TRHDE: variants seen among roughly 807,000 people sequenced by gnomAD.
TRHDE encodes thyrotropin releasing hormone degrading enzyme.
TRHDE carries 72 observed loss-of-function variants against 125.7 expected under a neutral mutation model. The ratio of observed to expected loss-of-function variants is 0.57; its 90% confidence interval spans 0.47 to 0.70. The LOEUF (loss-of-function observed/expected upper bound fraction) is 0.70. Ranked by LOEUF, TRHDE falls within the 30% of genes least tolerant of loss-of-function variation. The pLI, the probability that TRHDE is intolerant of heterozygous loss-of-function variation, is 0.00. For missense variants in TRHDE, 1,110 were observed against 1,327.1 expected (o/e 0.84, Z 2.54); for synonymous variants, 509 against 509.1 (o/e 1.00, Z 0.00).
At chr12:72,585,064 G>T (rs541640828) in intron 12 of TRHDE, among the ~76,000 whole-genome samples, 1 of 152,256 alleles carries the variant, frequency 6.6e-6, no homozygotes, top group African/African-American at 2.4e-5. Context: ...ATCTGCACAT[G>T]CCTGAACATG....
At chr12:72,139,966 A>C (rs547741819) in intron 2 of TRHDE, among the ~76,000 whole-genome samples, 2 of 152,370 alleles carry the variant, frequency 1.3e-5, no homozygotes, top group Non-Finnish European at 2.9e-5. Context: ...TCTTCATGGC[A>C]ATAACATACC....
intron 2 of TRHDE, chr12:72,262,725 G>C (rs1046064552): frequency 6.6e-6 from 1 of 152,072 alleles, no homozygotes; most frequent in Non-Finnish European, 1.5e-5. Context: ...ACATTGATTT[G>C]AAACAAATCC....
At chr12:72,451,979 C>T (rs1875598617) in intron 3 of TRHDE, among the ~76,000 whole-genome samples, 2 of 152,074 alleles carry the variant, frequency 1.3e-5, no homozygotes, top group African/African-American at 2.4e-5. Context: ...CAGGCCTGTG[C>T]CAGCATGCCC....
chr12:72,538,932 T>A (rs546249610), intron 6 of TRHDE, among the ~76,000 whole-genome samples: 1 of 151,940 alleles, frequency 6.6e-6, no homozygotes, highest in African/African-American at 2.4e-5. Context: ...AAAAACTGTC[T>A]CAATCTTATT....
Position 72,273,172 on chromosome 12 carries a change from C to G in TRHDE, c.529C>G (p.Pro177Ala), listed in dbSNP as rs544264510. Residue 177 changes from proline (P) to alanine (A), a missense_variant, in exon 1 of 19, where the codon CCG becomes GCG. By Grantham distance (27) the Pro-to-Ala change is conservative. Coordinates refer to ENST00000261180, the MANE Select transcript of TRHDE (RefSeq NM_013381.3). The surrounding 1 kb of genome is among the most constrained non-coding windows in gnomAD (Gnocchi z 5.3). The stretch of plus-strand genomic sequence containing the variant: ...GCCGCCGTCGGAGGAGGAGCGGGAG[C>G]CGTGGGAGCCGTGGACGCAGCTGCG... ...AQPPSEEERE[P>A]WEPWTQLRLS... 36 of 1,588,364 alleles carry G rather than the reference C, an allele frequency of 2.3e-5. No homozygotes were observed. The South Asian group carries it at 3.9e-4, about 17-fold the overall frequency.
At chr12:72,518,305 C>G (rs1878987277) in intron 6 of TRHDE, among the ~76,000 whole-genome samples, 1 of 146,006 alleles carries the variant, frequency 6.8e-6, no homozygotes, top group South Asian at 2.1e-4. Context: ...TCACTCAGGA[C>G]TTGCTTTATG....
At chr12:72,106,141 G>A (rs1349875943) in intron 2 of TRHDE, among the ~76,000 whole-genome samples, 1 of 152,092 alleles carries the variant, frequency 6.6e-6, no homozygotes, top group South Asian at 2.1e-4. Context: ...AGCTACAGTA[G>A]CACTGTTTAC....
intron 2 of TRHDE, among the ~76,000 whole-genome samples, chr12:72,195,394 A>C (rs1016898763): frequency 1.3e-5 from 2 of 152,098 alleles, no homozygotes; most frequent in Admixed American, 6.6e-5. Context: ...CCTTTTCTTC[A>C]CAGCTTCACT....
intron 12 of TRHDE, among the ~76,000 whole-genome samples, chr12:72,583,364 C>T (rs982502017): frequency 6.6e-6 from 1 of 152,052 alleles, no homozygotes; most frequent in African/African-American, 2.4e-5. Context: ...TGAATCGTTC[C>T]AGGAGCTTCA....
chr12:72,134,990 T>C (rs1392444689), intron 2 of TRHDE, among the ~76,000 whole-genome samples: 1 of 152,076 alleles, frequency 6.6e-6, no homozygotes, highest in Non-Finnish European at 1.5e-5. Context: ...TGGATATATG[T>C]GTGAGCTTCA....
At chr12:72,116,471 C>G (rs566088302) in intron 2 of TRHDE, among the ~76,000 whole-genome samples, 1 of 152,220 alleles carries the variant, frequency 6.6e-6, no homozygotes, top group East Asian at 1.9e-4. Context: ...ATTTACACTC[C>G]CACTAACAAT....
intron 15 of TRHDE, among the ~76,000 whole-genome samples, chr12:72,640,659 C>T (rs1371134985): frequency 1.4e-5 from 2 of 148,010 alleles, no homozygotes; most frequent in African/African-American, 2.5e-5. Flanking sequence ...ATAAGGTTCA[C>T]GCATCAATGC....
rs935257039 is a variant in TRHDE, at chr12:72,421,115, G to A, written c.1315+42994G>A. 3.9e-5 allele frequency among the ~76,000 whole-genome samples: 6 copies of A among 152,144 alleles called. No individual in the cohort carries two copies. The East Asian group carries it at 9.7e-4, about 25-fold the overall frequency. On this transcript the variant is annotated intron_variant, in intron 3 of 18. Coordinates refer to ENST00000261180, the MANE Select transcript of TRHDE (RefSeq NM_013381.3). ...AATATGAACTAGGTTGAACGTTCCA[G>A]TTATCTCATTCTGCATAAGAAATCA...
chr12:72,351,948 T>G (rs940180929), intron 2 of TRHDE, among the ~76,000 whole-genome samples: 10 of 151,914 alleles, frequency 6.6e-5, no homozygotes, highest in Non-Finnish European at 1.0e-4. Flanking sequence ...CCAGCTTAAC[T>G]CATTCTTCTT....
intron 2 of TRHDE, among the ~76,000 whole-genome samples, chr12:72,117,632 A>G (rs1183554083): frequency 6.6e-6 from 1 of 152,054 alleles, no homozygotes; most frequent in African/African-American, 2.4e-5. Context: ...TGGTATTTTG[A>G]TAGGGATTGC....
intron 18 of TRHDE, among the ~76,000 whole-genome samples, chr12:72,659,084 A>G (rs958982322): frequency 1.3e-5 from 2 of 152,180 alleles, no homozygotes; most frequent in African/African-American, 4.8e-5. Context: ...CCAAGGGTTT[A>G]TAGATCAAAA....
At chr12:72,349,057 G>A (rs1870461653) in intron 2 of TRHDE, among the ~76,000 whole-genome samples, 1 of 151,872 alleles carries the variant, frequency 6.6e-6, no homozygotes, top group African/African-American at 2.4e-5. Context: ...TCTCCCTCTG[G>A]TCCATTAATA....
intron 12 of TRHDE, among the ~76,000 whole-genome samples, chr12:72,580,751 T>TTTTG (rs368714392): frequency 1.3e-5 from 2 of 152,204 alleles, no homozygotes; most frequent in Non-Finnish European, 2.9e-5. Flanking sequence ...TGTTTTTGTT[T>TTTTG]TTTGTTTGTT....
chr12:72,509,370 A>AC, intron 6 of TRHDE, among the ~76,000 whole-genome samples: 1 of 151,734 alleles, frequency 6.6e-6, no homozygotes, highest in South Asian at 2.1e-4. Flanking sequence ...GTACTTATAG[A>AC]CCCCTGACTC....
Sources: gnomAD v4.1 joint callset for allele counts (sites outside exome capture counted in the v4.1 genomes callset) on GRCh38, gnomAD v4.1.1 for gene constraint, Gnocchi (gnomAD v3.1) non-coding constraint, MANE v1.5 for transcripts, NCBI Gene and HGNC (gene_info 2026-07-23, HGNC 2026-07-21) for gene names.